The following RP2 variants were observed in gnomAD, a reference collection of about 807,000 sequenced individuals.
RP2 encodes protein XRP2.
RP2 carries 3 observed loss-of-function variants against 20.3 expected under a neutral mutation model. The ratio of observed to expected loss-of-function variants is 0.15; its 90% CI spans 0.07 to 0.38. The LOEUF is 0.38. Among genes scored for constraint, RP2 ranks in the 10% least tolerant of loss-of-function variants. The probability of loss-of-function intolerance (pLI) is 1.00; values close to 1 mark genes in which losing one functional copy is unlikely to be tolerated. For missense variants in RP2, 233 were observed against 268.5 expected, an observed-to-expected ratio of 0.87 and a Z score of 0.92; for synonymous variants, 75 against 94.8, an observed-to-expected ratio of 0.79 and a Z score of 1.22.
rs781838389 is a variant in RP2, at chrX:46,867,472, T to C, written c.883+7370T>C. Among the ~76,000 whole-genome samples, 4 of 113,022 alleles carry C rather than the reference T, an allele frequency of 3.5e-5. No individual in the cohort carries two copies. The South Asian group carries it at 1.1e-3, about 30-fold the overall frequency. ...CCAGTTTGTTTTTCCATTCAATTGT[T>C]GGACATCCTGCTTGTTTCCAGTTTT... On this transcript the variant is annotated intron_variant, in intron 3 of 4. Transcript: ENST00000218340.
At chrX:46,864,347 CTTT>C (rs782091799) in intron 3 of RP2, among the ~76,000 whole-genome samples, 6 of 95,204 alleles carry the variant, frequency 6.3e-5, no homozygotes, top group Admixed American at 1.1e-4. Context: ...TCCTTCCTTT[CTTT>C]TTTTTTTTTT....
chrX:46,876,331 G>A (rs1385760088), intron 3 of RP2, among the ~76,000 whole-genome samples: 1 of 110,507 alleles, frequency 9.0e-6, no homozygotes, highest in African/African-American at 3.3e-5. Flanking sequence ...TGTTGCCTAG[G>A]CTGGTCTTCA....
chrX:46,840,135 G>A (rs782262675), intron 1 of RP2, among the ~76,000 whole-genome samples: 16 of 111,751 alleles, frequency 1.4e-4, no homozygotes, highest in Admixed American at 2.8e-4. Flanking sequence ...GCACCACCAC[G>A]CCTGGCTAAT....
chrX:46,849,474 A>G (rs782738993), intron 1 of RP2, among the ~76,000 whole-genome samples: 1 of 111,162 alleles, frequency 9.0e-6, no homozygotes, highest in Non-Finnish European at 1.9e-5. Context: ...CCAGTCTCAA[A>G]CTCCTAGTCT....
At chrX:46,859,839 T>C in intron 2 of RP2, 149 bp from the exon 3 acceptor site, 3 of 484,087 alleles carry the variant, frequency 6.2e-6, no homozygotes, top group Non-Finnish European at 1.1e-5. Context: ...GAGAACTTAT[T>C]ATAGCAAACA....
At chrX:46,863,707 C>T (rs1322874532) in intron 3 of RP2, among the ~76,000 whole-genome samples, 1 of 111,972 alleles carries the variant, frequency 8.9e-6, no homozygotes, top group African/African-American at 3.3e-5. Flanking sequence ...AACACCACCC[C>T]AGTTGTGGCA....
intron 3 of RP2, among the ~76,000 whole-genome samples, chrX:46,876,396 G>A (rs901118731): frequency 5.4e-5 from 6 of 111,372 alleles, no homozygotes; most frequent in Admixed American, 3.8e-4. Flanking sequence ...ACGATTACAA[G>A]CATGAACCAC....
Position 46,880,301 on chromosome X carries a change from A to G in RP2, c.*532A>G, listed in dbSNP as rs1925448980. 8.9e-6 allele frequency: 1 copy of G among 112,489 alleles called. No individual in the cohort carries two copies. Among genetic ancestry groups the G allele is most frequent in the Admixed American group, 9.6e-5 (1 of 10,464 alleles). The allele number at this position is 112,489 out of a possible 1,213,427, so 9.3% of individuals were successfully genotyped here. A position where few individuals can be genotyped will look rare whatever the true frequency, so the allele number is the denominator to read the frequency against. On this transcript the variant is annotated 3_prime_UTR_variant, in exon 5 of 5. Coordinates refer to ENST00000218340, the MANE Select transcript of RP2 (RefSeq NM_006915.3). ...ATGGCAAATGAGATTTTGTACATGG[A>G]GTTGACATAATACTTTGTAAATTGA...
At chrX:46,846,589 TA>T (rs1217214585) in intron 1 of RP2, among the ~76,000 whole-genome samples, 9 of 107,864 alleles carry the variant, frequency 8.3e-5, no homozygotes, top group South Asian at 7.9e-4. Context: ...CCTGTCTCTA[TA>T]AAAAAAAAAT....
intron 3 of RP2, among the ~76,000 whole-genome samples, chrX:46,869,362 C>T (rs1180554611): frequency 9.6e-6 from 1 of 104,709 alleles, no homozygotes; most frequent in Non-Finnish European, 2.0e-5. Context: ...TGCGATGGCG[C>T]GATCTTGGCT....
chrX:46,879,808 C>A lies in RP2; in HGVS notation c.*39C>A. On this transcript the variant is annotated 3_prime_UTR_variant, in exon 5 of 5. Coordinates refer to ENST00000218340, the MANE Select transcript of RP2 (RefSeq NM_006915.3). ...ACCAGGACTTGGTATTAAGCCTTTCCCAACTTGTGAATATAGAATTTGATA... is the reference window on the plus strand; with the variant it reads ...ACCAGGACTTGGTATTAAGCCTTTCACAACTTGTGAATATAGAATTTGATA... 1.2e-6 allele frequency: 1 copy of A among 849,224 alleles called. No individual in the cohort carries two copies. The highest frequency in any genetic ancestry group is 1.7e-6 in the Non-Finnish European group (1 of 585,669). The allele number at this position is 849,224 out of a possible 1,213,427, so 70.0% of individuals were successfully genotyped here. A position where few individuals can be genotyped will look rare whatever the true frequency, so the allele number is the denominator to read the frequency against.
chrX:46,876,473 G>A (rs1192977166), intron 3 of RP2, among the ~76,000 whole-genome samples: 2 of 111,197 alleles, frequency 1.8e-5, no homozygotes, highest in African/African-American at 6.5e-5. Context: ...GTATACAGGA[G>A]GATGTGCATA....
intron 2 of RP2, among the ~76,000 whole-genome samples, chrX:46,854,879 C>T (rs1269140599): frequency 9.9e-5 from 11 of 110,588 alleles, no homozygotes; most frequent in African/African-American, 3.6e-4. Flanking sequence ...ATTCTCCTGC[C>T]TCAGCCTCCC....
At chrX:46,856,021 C>T (rs1354094050) in intron 2 of RP2, among the ~76,000 whole-genome samples, 1 of 111,622 alleles carries the variant, frequency 9.0e-6, no homozygotes, top group Non-Finnish European at 1.9e-5. Flanking sequence ...GTGATAAAAA[C>T]ATTCCATGAA....
rs782168125 is a variant in RP2, at chrX:46,877,527, T to C, written c.906T>C (p.Phe302=). The change falls in exon 4 of 5, where the codon TTT becomes TTC. Residue 302 remains phenylalanine (F), a synonymous_variant. Coordinates refer to ENST00000218340, the MANE Select transcript of RP2 (RefSeq NM_006915.3). ...LNKGPVIALE[F]NGDGAVEVCQ... Reference sequence around the variant, plus strand: ...TAGGTCCTGTTATTGCCTTGGAGTTTAATGGGGATGGTGCTGTAGAAGTAT... The same window carrying C: ...TAGGTCCTGTTATTGCCTTGGAGTTCAATGGGGATGGTGCTGTAGAAGTAT... The C allele has an allele frequency of 8.3e-7, 1 of 1,205,607 alleles. No individual in the cohort carries two copies. The highest frequency in any genetic ancestry group is 3.0e-5 in the East Asian group (1 of 33,780).
intron 3 of RP2, among the ~76,000 whole-genome samples, chrX:46,868,323 G>A (rs1464361464): frequency 2.7e-5 from 3 of 109,363 alleles, no homozygotes; most frequent in Non-Finnish European, 5.7e-5. Context: ...CCAGGAGTTC[G>A]AAACCAGCCT....
chrX:46,862,993 C>T (rs1309998231), intron 3 of RP2, among the ~76,000 whole-genome samples: 3 of 112,112 alleles, frequency 2.7e-5, no homozygotes, highest in African/African-American at 9.7e-5. Context: ...TTCTACAAGA[C>T]AACTGGCTAG....
chrX:46,837,130 G>A lies in RP2; in HGVS notation c.30G>A (p.Lys10=), dbSNP rs782402689. ...GCTGCTTCTTCTCCAAGAGACGGAA[G>A]GCTGACAAGGAGTCGCGGCCCGAGA... The part of the protein sequence containing the change: MGCFFSKRR[K]ADKESRPENE... The change falls in exon 1 of 5, where the codon AAG becomes AAA. Residue 10 remains lysine, a synonymous_variant. Coordinates refer to ENST00000218340, the MANE Select transcript of RP2 (RefSeq NM_006915.3). 2.1e-4 allele frequency: 246 copies of A among 1,168,298 alleles called. No individual in the cohort carries two copies. Among genetic ancestry groups the A allele is most frequent in the Middle Eastern group, 1.6e-3 (7 of 4,311 alleles).
At chrX:46,879,012 CCCAGGAGTTCAAGA>C (rs1286783352) in intron 4 of RP2, among the ~76,000 whole-genome samples, 1 of 100,219 alleles carries the variant, frequency 1.0e-5, no homozygotes, top group Non-Finnish European at 2.0e-5. Context: ...ACTGCTTGAG[CCCAGGAGTTCAAGA>C]CCAGTCTGGG....
Sources: gnomAD v4.1 joint callset for allele counts (sites outside exome capture counted in the v4.1 genomes callset) on GRCh38, gnomAD v4.1.1 for gene constraint, MANE v1.5 for transcripts, NCBI Gene and HGNC (gene_info 2026-07-23, HGNC 2026-07-21) for gene names.